Variants in EEPD1 observed in about 807,000 individuals in gnomAD.
The protein encoded by EEPD1 is endonuclease/exonuclease/phosphatase family domain containing 1.
Under a neutral mutation model 46.3 loss-of-function variants are expected in EEPD1, and 17 were observed. That is an observed-to-expected ratio of 0.37 (90% CI 0.25 to 0.55). The LOEUF (loss-of-function observed/expected upper bound fraction) is 0.55. Ranked by LOEUF, EEPD1 falls within the 20% of genes least tolerant of loss-of-function variation. EEPD1 has a pLI of 0.83. For synonymous variants in EEPD1, 313 were observed against 315.6 expected (o/e 0.99, Z 0.09); for missense variants, 673 against 745.6 (o/e 0.90, Z 1.13).
intron 6 of EEPD1, among the ~76,000 whole-genome samples, chr7:36,289,105 GTATGTATA>G (rs752004417): frequency 6.6e-6 from 1 of 152,142 alleles, no homozygotes; most frequent in Non-Finnish European, 1.5e-5. Context: ...AAAGATGTAT[GTATGTATA>G]TATGTATATA....
chr7:36,196,954 T>A (rs1320062991), intron 2 of EEPD1, among the ~76,000 whole-genome samples: 2 of 149,670 alleles, frequency 1.3e-5, no homozygotes, highest in Non-Finnish European at 3.0e-5. Context: ...CGCCATCCCA[T>A]CTAGGAAGTG....
At chr7:36,177,391 A>G (rs912539166) in intron 2 of EEPD1, among the ~76,000 whole-genome samples, 5 of 152,148 alleles carry the variant, frequency 3.3e-5, no homozygotes, top group Non-Finnish European at 7.3e-5. Context: ...CATAGTACCC[A>G]GTAGGGAGTT....
intron 2 of EEPD1, among the ~76,000 whole-genome samples, chr7:36,173,068 G>A (rs1488336420): frequency 6.6e-6 from 1 of 152,046 alleles, no homozygotes; most frequent in Non-Finnish European, 1.5e-5. Context: ...TTACTGACAT[G>A]GTTTAGCTCT....
intron 2 of EEPD1, among the ~76,000 whole-genome samples, chr7:36,173,325 T>TTA (rs374164727): frequency 9.7e-6 from 1 of 103,622 alleles, no homozygotes; most frequent in Non-Finnish European, 1.8e-5. Flanking sequence ...CGTTTATACT[T>TTA]AAAAAAAAAA....
intron 2 of EEPD1, among the ~76,000 whole-genome samples, chr7:36,219,378 A>G (rs1786091379): frequency 1.3e-5 from 2 of 152,020 alleles, no homozygotes; most frequent in Non-Finnish European, 2.9e-5. Context: ...CCAAAATACA[A>G]AAGGTGGGGA....
At chr7:36,186,835 T>C (rs150326674) in intron 2 of EEPD1, among the ~76,000 whole-genome samples, 105 of 152,362 alleles carry the variant, frequency 6.9e-4, no homozygotes, top group African/African-American at 2.4e-3. Flanking sequence ...CAAACTATTA[T>C]TGGAAATGTT....
chr7:36,174,122 T>A (rs1255047389), intron 2 of EEPD1, among the ~76,000 whole-genome samples: 1 of 152,194 alleles, frequency 6.6e-6, no homozygotes, highest in Admixed American at 6.5e-5. Context: ...CTGCACAGGC[T>A]GTGGCACTGG....
intron 3 of EEPD1, among the ~76,000 whole-genome samples, chr7:36,242,580 G>T (rs1422805344): frequency 6.6e-6 from 1 of 152,078 alleles, no homozygotes; most frequent in East Asian, 1.9e-4. Flanking sequence ...TACATTTTGA[G>T]TGACATATGA....
At chr7:36,207,786 T>G (rs1785847587) in intron 2 of EEPD1, among the ~76,000 whole-genome samples, 1 of 152,210 alleles carries the variant, frequency 6.6e-6, no homozygotes. Flanking sequence ...TATAAAGTGT[T>G]TCTACTTTAG....
chr7:36,259,461 A>G (rs529583548), intron 3 of EEPD1, among the ~76,000 whole-genome samples: 3 of 152,268 alleles, frequency 2.0e-5, no homozygotes, highest in African/African-American at 7.2e-5. Flanking sequence ...CTATGCATCT[A>G]TACATGTTAC....
chr7:36,258,659 C>T (rs943906538), intron 3 of EEPD1, among the ~76,000 whole-genome samples: 2 of 152,056 alleles, frequency 1.3e-5, no homozygotes, highest in Non-Finnish European at 1.5e-5. Context: ...TCAGTAATGA[C>T]GGACGCCCCT....
Position 36,211,040 on chromosome 7 carries a change from T to G in EEPD1, c.879-27945T>G, listed in dbSNP as rs142323617. Among the ~76,000 whole-genome samples the G allele has an allele frequency of 1.3e-4, 20 of 152,292 alleles. No homozygotes were observed. In the East Asian group the frequency reaches 3.9e-3, roughly 29 times the overall value. Reference sequence around the variant, plus strand: ...AACAGTGTCTATGTCATAGGGCTGTTGTAATGTGACATGAAAAGAGCCTCA... The same window carrying G: ...AACAGTGTCTATGTCATAGGGCTGTGGTAATGTGACATGAAAAGAGCCTCA... On this transcript the variant is annotated intron_variant, in intron 2 of 7. Transcript: ENST00000242108.
chr7:36,162,849 T>C (rs1784921921), intron 2 of EEPD1, among the ~76,000 whole-genome samples: 1 of 152,218 alleles, frequency 6.6e-6, no homozygotes, highest in Non-Finnish European at 1.5e-5. Flanking sequence ...TGAAATGCAG[T>C]GCTTAAGCGA....
At position 36,230,260 on chromosome 7, in the gene EEPD1, C is replaced by G. The variant is rs532218997; in HGVS notation, c.879-8725C>G. 1.8e-4 allele frequency among the ~76,000 whole-genome samples: 27 copies of G among 151,656 alleles called. 1 individual carries two copies. In the South Asian group the frequency reaches 5.4e-3, roughly 31 times the overall value. ...GGTCTCTCTACCTCCAGCATTGCCA[C>G]CCCCACCCCATCCCCATCCATTCTC... On this transcript the variant is annotated intron_variant, in intron 2 of 7. Coordinates refer to ENST00000242108, the MANE Select transcript of EEPD1 (RefSeq NM_030636.3).
intron 2 of EEPD1, among the ~76,000 whole-genome samples, chr7:36,171,080 C>A (rs1208297782): frequency 1.3e-5 from 2 of 152,058 alleles, no homozygotes; most frequent in Admixed American, 1.3e-4. Flanking sequence ...CACCACCACA[C>A]CTGGCTAATT....
chr7:36,290,036 C>T (rs1238598123), intron 6 of EEPD1, among the ~76,000 whole-genome samples: 1 of 152,184 alleles, frequency 6.6e-6, no homozygotes, highest in African/African-American at 2.4e-5. Context: ...ATGCTCTATC[C>T]AAGAAGCAAC....
intron 3 of EEPD1, among the ~76,000 whole-genome samples, chr7:36,277,559 C>G (rs1787200942): frequency 6.6e-6 from 1 of 152,184 alleles, no homozygotes; most frequent in Non-Finnish European, 1.5e-5. Flanking sequence ...GTTGATGTTG[C>G]TGGTCCATGG....
At chr7:36,292,369 C>G (rs12539756) in intron 6 of EEPD1, among the ~76,000 whole-genome samples, 9,536 of 135,442 alleles carry the variant, frequency 0.07, 491 homozygotes, top group East Asian at 0.16. Flanking sequence ...CTTTTCTTTT[C>G]TTTTGTTTTG....
At chr7:36,294,044 ATTGATAGGTAAAGT>A in intron 6 of EEPD1, among the ~76,000 whole-genome samples, 1 of 152,290 alleles carries the variant, frequency 6.6e-6, no homozygotes, top group South Asian at 2.1e-4. Context: ...AAAAGTAGGA[ATTGATAGGTAAAGT>A]TGCTAACATT....
Sources: gnomAD v4.1 joint callset for allele counts (sites outside exome capture counted in the v4.1 genomes callset) on GRCh38, gnomAD v4.1.1 for gene constraint, MANE v1.5 for transcripts, NCBI Gene and HGNC (gene_info 2026-07-23, HGNC 2026-07-21) for gene names.